Variants in KCTD8 observed in about 807,000 individuals in gnomAD.
KCTD8 encodes potassium channel tetramerization domain containing 8, also known as BTB/POZ domain-containing protein KCTD8.
A neutral mutation model predicts 31.5 loss-of-function variants in KCTD8; 27 were observed. That is an observed-to-expected ratio of 0.86 (90% CI 0.63 to 1.18). The LOEUF is 1.18. KCTD8 is among the 50% of genes most tolerant of loss of function. The probability of loss-of-function intolerance (pLI) is 0.00; values close to 1 mark genes in which losing one functional copy is unlikely to be tolerated. For synonymous variants in KCTD8, 290 were observed against 280.0 expected, an observed-to-expected ratio of 1.04 and a Z score of -0.36; for missense variants, 658 against 647.7, an observed-to-expected ratio of 1.02 and a Z score of -0.17.
chr4:44,292,546 T>A (rs1184908975), intron 1 of KCTD8, among the ~76,000 whole-genome samples: 4 of 152,202 alleles, frequency 2.6e-5, no homozygotes, highest in Non-Finnish European at 4.4e-5. Flanking sequence ...AGTGATGGGA[T>A]CATCTGTACC....
chr4:44,415,503 C>T (rs796871995), intron 1 of KCTD8, among the ~76,000 whole-genome samples: 6 of 152,266 alleles, frequency 3.9e-5, no homozygotes, highest in African/African-American at 1.4e-4. Flanking sequence ...GACAGTTCCT[C>T]CCATCACAAA....
chr4:44,209,741 A>G (rs1218845185), intron 1 of KCTD8, among the ~76,000 whole-genome samples: 1 of 152,142 alleles, frequency 6.6e-6, no homozygotes, highest in African/African-American at 2.4e-5. Context: ...GGATGTGAAC[A>G]TTTTCAGGAA....
At chr4:44,321,638 T>C (rs1718298131) in intron 1 of KCTD8, among the ~76,000 whole-genome samples, 1 of 152,188 alleles carries the variant, frequency 6.6e-6, no homozygotes. Context: ...TATTTTGAAA[T>C]ATGCAATAAA....
At chr4:44,390,034 T>C (rs1720328678) in intron 1 of KCTD8, among the ~76,000 whole-genome samples, 2 of 152,076 alleles carry the variant, frequency 1.3e-5, no homozygotes, top group Non-Finnish European at 2.9e-5. Flanking sequence ...TTCTGGATAT[T>C]AGTTCTTTGT....
chr4:44,286,705 T>C (rs1043608910), intron 1 of KCTD8, among the ~76,000 whole-genome samples: 1 of 152,126 alleles, frequency 6.6e-6, no homozygotes, highest in Admixed American at 6.6e-5. Flanking sequence ...CTGGAGTGTT[T>C]TACATAGGGA....
At chr4:44,225,478 T>C (rs1714930435) in intron 1 of KCTD8, among the ~76,000 whole-genome samples, 1 of 152,266 alleles carries the variant, frequency 6.6e-6, no homozygotes, top group Non-Finnish European at 1.5e-5. Flanking sequence ...TGGTACAGAC[T>C]ATGGAGTATA....
chr4:44,411,482 A>T (rs758883988), intron 1 of KCTD8, among the ~76,000 whole-genome samples: 1 of 152,008 alleles, frequency 6.6e-6, no homozygotes, highest in Non-Finnish European at 1.5e-5. Context: ...TAAAGTTGAG[A>T]ACATAATGCC....
At chr4:44,271,083 A>G (rs1716584206) in intron 1 of KCTD8, among the ~76,000 whole-genome samples, 1 of 152,158 alleles carries the variant, frequency 6.6e-6, no homozygotes, top group Non-Finnish European at 1.5e-5. Flanking sequence ...TGAATTTAGG[A>G]GCCAATTTGA....
At chr4:44,345,318 A>G (rs1403346910) in intron 1 of KCTD8, among the ~76,000 whole-genome samples, 1 of 152,158 alleles carries the variant, frequency 6.6e-6, no homozygotes, top group African/African-American at 2.4e-5. Context: ...TATTCAAACA[A>G]TAAAGAAAAT....
In KCTD8 at chr4:44,448,535, C is replaced by A; in HGVS notation, c.-12G>T. The A allele has an allele frequency of 6.9e-7, 1 of 1,450,514 alleles. No individual in the cohort carries two copies. The highest frequency in any genetic ancestry group is 1.5e-5 in the South Asian group (1 of 65,074). The allele number at this position is 1,450,514 out of a possible 1,614,324, so 89.9% of individuals were successfully genotyped here. ...TCCTTCAGAGCCATAGTCCCCCCGC[C>A]GCCGGCCCAGTGACCCGAGAGAGCT... On this transcript the variant is annotated 5_prime_UTR_variant, in exon 1 of 2. Coordinates refer to ENST00000360029, the MANE Select transcript of KCTD8 (RefSeq NM_198353.3). This position sits in a 1 kb window ranked among gnomAD's most constrained non-coding sequence, Gnocchi z 4.1.
chr4:44,441,910 G>T (rs1721819559), intron 1 of KCTD8, among the ~76,000 whole-genome samples: 2 of 151,974 alleles, frequency 1.3e-5, no homozygotes, highest in Admixed American at 1.3e-4. Context: ...ATAAAACTGT[G>T]GCAATGTATA....
intron 1 of KCTD8, among the ~76,000 whole-genome samples, chr4:44,386,512 G>T (rs960680210): frequency 6.6e-6 from 1 of 151,534 alleles, no homozygotes; most frequent in African/African-American, 2.4e-5. Flanking sequence ...CAATATTAAT[G>T]ATCATCAGAG....
intron 1 of KCTD8, among the ~76,000 whole-genome samples, chr4:44,396,258 G>T (rs148773306): frequency 6.6e-6 from 1 of 152,212 alleles, no homozygotes; most frequent in Non-Finnish European, 1.5e-5. Context: ...AGGCAGTAAC[G>T]CAAGTGATAG....
intron 1 of KCTD8, among the ~76,000 whole-genome samples, chr4:44,244,803 T>C (rs1370388520): frequency 6.8e-6 from 1 of 146,032 alleles, no homozygotes; most frequent in African/African-American, 2.5e-5. Flanking sequence ...CAGCATCAAT[T>C]CATACCCTTT....
chr4:44,439,903 TA>T (rs1721774423), intron 1 of KCTD8, among the ~76,000 whole-genome samples: 2 of 67,954 alleles, frequency 2.9e-5, no homozygotes, highest in African/African-American at 2.3e-4. Flanking sequence ...CATTTATTTT[TA>T]TTTATTTATT....
intron 1 of KCTD8, among the ~76,000 whole-genome samples, chr4:44,361,187 G>A (rs572770074): frequency 1.3e-5 from 2 of 148,244 alleles, no homozygotes; most frequent in Non-Finnish European, 3.0e-5. Flanking sequence ...TACAGGAGAG[G>A]CTATAAAATC....
At chr4:44,355,218 C>A (rs1218867802) in intron 1 of KCTD8, among the ~76,000 whole-genome samples, 1 of 152,058 alleles carries the variant, frequency 6.6e-6, no homozygotes. Context: ...AGAGAATTAT[C>A]AAAACATGAT....
At chr4:44,335,303 A>C (rs1430589414) in intron 1 of KCTD8, among the ~76,000 whole-genome samples, 3 of 152,130 alleles carry the variant, frequency 2.0e-5, no homozygotes, top group Admixed American at 6.5e-5. Context: ...AGTTGTTATT[A>C]ATATTTTAAT....
intron 1 of KCTD8, among the ~76,000 whole-genome samples, chr4:44,285,148 T>C (rs1243461155): frequency 6.6e-6 from 1 of 152,192 alleles, no homozygotes; most frequent in East Asian, 1.9e-4. Flanking sequence ...TTATAAATCA[T>C]TCTATGATAA....
Sources: allele counts gnomAD v4.1 joint callset (sites outside exome capture counted in the v4.1 genomes callset), GRCh38; gene constraint gnomAD v4.1.1; non-coding constraint Gnocchi (gnomAD v3.1); transcripts MANE v1.5; gene names NCBI Gene and HGNC (gene_info 2026-07-23, HGNC 2026-07-21).